GPHN: variants seen among roughly 807,000 people sequenced by gnomAD.
GPHN encodes gephyrin.
A neutral mutation model predicts 95.5 loss-of-function variants in GPHN; 17 were observed. The observed-to-expected ratio is 0.18, with a 90% CI of 0.12 to 0.27. The LOEUF (loss-of-function observed/expected upper bound fraction) is 0.27, where lower values mean the gene tolerates loss of function less well. Ranked by LOEUF, GPHN falls within the 10% of genes least tolerant of loss-of-function variation. The pLI is 1.00. For missense variants in GPHN, 660 were observed against 978.1 expected (o/e 0.67, Z 4.34); for synonymous variants, 320 against 322.5 (o/e 0.99, Z 0.08).
chr14:67,582,384 C>T, the GPHN span: 1 of 1,112,210 alleles, frequency 9.0e-7, no homozygotes. The surrounding 1 kb of genome is among the most constrained non-coding windows in gnomAD (Gnocchi z 5.0). Flanking sequence ...TCCTCACTCA[C>T]CGCAGATATA....
intron 1 of GPHN, among the ~76,000 whole-genome samples, chr14:66,551,528 C>T (rs1008719403): frequency 2.0e-5 from 3 of 152,168 alleles, no homozygotes; most frequent in South Asian, 2.1e-4. Context: ...TGTTGCTCTT[C>T]GGATATTCAC....
chr14:66,834,739 G>A (rs1039413557), intron 4 of GPHN, among the ~76,000 whole-genome samples: 3 of 151,438 alleles, frequency 2.0e-5, no homozygotes, highest in South Asian at 2.1e-4. Context: ...GTCTCTGCCC[G>A]GCTTTGGTAT....
At position 66,763,531 on chromosome 14, in the gene GPHN, G is replaced by A. The variant is rs573623231; in HGVS notation, c.144-12933G>A. ...TTGCGATGGTTTACTGAGAATGATG[G>A]TTTCCAATTTCATCCATGTCCCTAC... On this transcript the variant is annotated intron_variant, in intron 2 of 22. Transcript: ENST00000478722. Among the ~76,000 whole-genome samples the A allele has an allele frequency of 2.7e-5, 4 of 150,812 alleles. No homozygotes were observed. The East Asian group carries it at 5.9e-4, about 22-fold the overall frequency.
the GPHN span, among the ~76,000 whole-genome samples, chr14:67,624,971 A>G: frequency 6.6e-6 from 1 of 152,228 alleles, no homozygotes; most frequent in Non-Finnish European, 1.5e-5. Context: ...GGAGGCTGGC[A>G]GTTACTGCAA....
the GPHN span, among the ~76,000 whole-genome samples, chr14:67,331,579 T>C: frequency 2.0e-4 from 30 of 152,140 alleles, no homozygotes; most frequent in Non-Finnish European, 3.8e-4. Context: ...CAGCTAAAAA[T>C]TTTGAGCTAA....
the GPHN span, among the ~76,000 whole-genome samples, chr14:67,362,081 G>C: frequency 6.7e-6 from 1 of 149,346 alleles, no homozygotes; most frequent in East Asian, 2.0e-4. Context: ...GAGTGTAGTG[G>C]CACGATCTCA....
chr14:66,887,137 T>G (rs1426219686), intron 5 of GPHN, among the ~76,000 whole-genome samples: 2 of 152,124 alleles, frequency 1.3e-5, no homozygotes, highest in African/African-American at 2.4e-5. Context: ...GAGGAGAAAC[T>G]ACTTAACCTG....
At chr14:66,675,255 T>G (rs1347466846) in intron 1 of GPHN, among the ~76,000 whole-genome samples, 1 of 151,564 alleles carries the variant, frequency 6.6e-6, no homozygotes, top group Non-Finnish European at 1.5e-5. Flanking sequence ...GCGATTCTCC[T>G]GCCTCAGCCT....
chr14:67,701,410 A>C, the GPHN span, among the ~76,000 whole-genome samples: 1 of 149,162 alleles, frequency 6.7e-6, no homozygotes, highest in Admixed American at 6.9e-5. Context: ...ATTTTAAAGA[A>C]CTTTATTATA....
intron 1 of GPHN, among the ~76,000 whole-genome samples, chr14:66,595,720 T>C (rs895497779): frequency 3.9e-5 from 6 of 152,238 alleles, no homozygotes; most frequent in South Asian, 2.1e-4. Flanking sequence ...CAGAGCCCCA[T>C]TGAGGGTGTC....
the GPHN span, chr14:67,569,083 G>T: frequency 8.3e-7 from 1 of 1,201,790 alleles, no homozygotes; most frequent in African/African-American, 1.5e-5. Context: ...ATGCCTGGAG[G>T]GGGTGGGATG....
At position 66,606,334 on chromosome 14, in the gene GPHN, C is replaced by A. The variant is rs150589241; in HGVS notation, c.65-74773C>A. 1.7e-3 allele frequency among the ~76,000 whole-genome samples: 263 copies of A among 152,158 alleles called. 1 individual carries two copies. Among genetic ancestry groups the A allele is most frequent in the African/African-American group, 6.0e-3 (251 of 41,520 alleles). On this transcript the variant is annotated intron_variant, in intron 1 of 22. Coordinates refer to ENST00000478722, the MANE Select transcript of GPHN (RefSeq NM_020806.5). ...TGGCTTTATTTCTGGGTTCTTTGTT[C>A]TGTTCCATTGGTCTATGTGTCTGTT...
the GPHN span, among the ~76,000 whole-genome samples, chr14:67,635,221 G>A: frequency 6.6e-6 from 1 of 152,176 alleles, no homozygotes; most frequent in African/African-American, 2.4e-5. Flanking sequence ...TCCAGCCTGA[G>A]TGACAGAGTA....
chr14:67,199,211 T>C, the GPHN span: 1 of 1,607,328 alleles, frequency 6.2e-7, no homozygotes. Context: ...ATAGAGTCAC[T>C]GGCCAGCACC....
At chr14:66,945,614 A>C (rs1235400589) in intron 8 of GPHN, among the ~76,000 whole-genome samples, 5 of 151,010 alleles carry the variant, frequency 3.3e-5, no homozygotes, top group African/African-American at 1.2e-4. Flanking sequence ...TGCTTCCCCC[A>C]AAAAACCTAT....
At chr14:66,511,277 T>TA (rs2058032314) in intron 1 of GPHN, among the ~76,000 whole-genome samples, 1 of 152,208 alleles carries the variant, frequency 6.6e-6, no homozygotes, top group African/African-American at 2.4e-5. Flanking sequence ...AGTTTTACTA[T>TA]GTAGAATTAT....
the GPHN span, among the ~76,000 whole-genome samples, chr14:67,437,721 T>C: frequency 3.3e-5 from 5 of 151,970 alleles, no homozygotes; most frequent in African/African-American, 1.2e-4. Flanking sequence ...GACTTACTGA[T>C]GGGCTGGAGT....
chr14:66,549,552 G>C (rs537098183), intron 1 of GPHN, among the ~76,000 whole-genome samples: 1 of 152,280 alleles, frequency 6.6e-6, no homozygotes, highest in South Asian at 2.1e-4. Flanking sequence ...ACATGAAAAT[G>C]CAAAGTGAAG....
chr14:67,186,615 A>C (rs930808009), downstream of GPHN, among the ~76,000 whole-genome samples: 1 of 152,176 alleles, frequency 6.6e-6, no homozygotes, highest in East Asian at 1.9e-4. Flanking sequence ...GGCGCTGCCC[A>C]GTTGCTGATT....
Sources: allele counts gnomAD v4.1 joint callset (sites outside exome capture counted in the v4.1 genomes callset), GRCh38; gene constraint gnomAD v4.1.1; non-coding constraint Gnocchi (gnomAD v3.1); transcripts MANE v1.5; gene names NCBI Gene and HGNC (gene_info 2026-07-23, HGNC 2026-07-21).